NRG4: variants seen among roughly 807,000 people sequenced by gnomAD.
NRG4 encodes the protein neuregulin 4, also known as pro-neuregulin-4, membrane-bound isoform.
NRG4 carries 10 observed loss-of-function variants against 15.0 expected under a neutral mutation model. The ratio of observed to expected loss-of-function variants is 0.67; its 90% CI spans 0.41 to 1.13. The LOEUF is 1.13. Among genes scored for constraint, NRG4 ranks in the 50% most tolerant of loss-of-function variants. The pLI is 0.00. For missense variants in NRG4, 139 were observed against 140.2 expected (o/e 0.99, Z 0.04); for synonymous variants, 41 against 50.1 (o/e 0.82, Z 0.77).
At chr15:75,960,730 G>A (rs1415117757) in intron 4 of NRG4, among the ~76,000 whole-genome samples, 1 of 152,110 alleles carries the variant, frequency 6.6e-6, no homozygotes, top group Admixed American at 6.5e-5. Flanking sequence ...ACCTCTTGAT[G>A]GATGAGTGGC....
At chr15:75,940,669 A>G (rs1258410316), downstream of NRG4, 1 of 152,144 alleles carries the variant, frequency 6.6e-6, no homozygotes, top group East Asian at 1.9e-4. Context: ...AGACTGGAGA[A>G]CCTAGAAATA....
At chr15:76,016,924 G>T (rs970690830), upstream of NRG4, among the ~76,000 whole-genome samples, 11 of 152,062 alleles carry the variant, frequency 7.2e-5, no homozygotes, top group Non-Finnish European at 1.3e-4. Context: ...GAACAGTGGG[G>T]TGTTAAAGTT....
chr15:75,979,523 T>G (rs1055867990), intron 3 of NRG4, among the ~76,000 whole-genome samples: 139 of 152,312 alleles, frequency 9.1e-4, no homozygotes, highest in African/African-American at 3.2e-3. Context: ...TAGCTAAAAT[T>G]AAAATCTGTT....
At chr15:75,988,255 G>A (rs560228669) in intron 3 of NRG4, among the ~76,000 whole-genome samples, 9 of 151,998 alleles carry the variant, frequency 5.9e-5, no homozygotes, top group Non-Finnish European at 7.4e-5. Context: ...GCGCGATCTC[G>A]GCTCACTGCA....
Position 75,961,846 on chromosome 15 carries a change from G to A in NRG4, c.233C>T (p.Ala78Val). ...LAVLVTLIIG[A>V]FYFLCRKGHF... ...TACTTACCTGCAAAGGAAGTAGAAG[G>A]CTCCAATGATAAGTGTTACTAGGAC... The change falls in exon 4 of 6, where the codon GCC (alanine) becomes GTC (valine). Residue 78 changes from alanine (A) to valine (V), a missense_variant. Ala to Val is a moderately conservative substitution (Grantham distance 64). Coordinates refer to ENST00000394907, the MANE Select transcript of NRG4 (RefSeq NM_138573.4). 1 of 1,612,744 alleles carries A rather than the reference G, an allele frequency of 6.2e-7. No individual in the cohort carries two copies. The highest frequency in any genetic ancestry group is 8.5e-7 in the Non-Finnish European group (1 of 1,179,228).
chr15:76,034,221 T>C (rs779632965), intron 5 of NRG4, among the ~76,000 whole-genome samples: 1 of 152,226 alleles, frequency 6.6e-6, no homozygotes, highest in Non-Finnish European at 1.5e-5. Context: ...CATCCTCCTT[T>C]GTTAATATAA....
At chr15:76,008,320 TA>T (rs2034684111) in intron 3 of NRG4, among the ~76,000 whole-genome samples, 1 of 152,170 alleles carries the variant, frequency 6.6e-6, no homozygotes, top group Non-Finnish European at 1.5e-5. Flanking sequence ...ATTGTGAGGT[TA>T]TTTCTCTCTG....
chr15:75,991,514 C>T (rs1466726440), intron 3 of NRG4, among the ~76,000 whole-genome samples: 2 of 152,042 alleles, frequency 1.3e-5, no homozygotes. Flanking sequence ...TCCTGGTGAA[C>T]ATAACGTGTA....
Position 75,955,981 on chromosome 15 carries a change from G to T in NRG4, c.282C>A (p.Val94=). ...TCTCTACCAGGTTGATATCATACTG[G>T]ACTGAACTGGCTCTCTGAAAGTGGC... The part of the protein sequence containing the change: ...RKGHFQRASS[V]QYDINLVETS... Residue 94 remains valine, a synonymous_variant, in exon 5 of 6, where the codon GTC becomes GTA. Transcript: ENST00000394907. 6.2e-7 allele frequency: 1 copy of T among 1,611,564 alleles called. No individual in the cohort carries two copies. The highest frequency in any genetic ancestry group is 1.1e-5 in the South Asian group (1 of 91,004).
chr15:75,979,912 T>C (rs973939159), intron 3 of NRG4, among the ~76,000 whole-genome samples: 1 of 152,202 alleles, frequency 6.6e-6, no homozygotes, highest in Non-Finnish European at 1.5e-5. Context: ...AACTGAACCT[T>C]CTTTGTTAGC....
At chr15:75,945,243 A>G (rs986560671) in intron 5 of NRG4, among the ~76,000 whole-genome samples, 7 of 148,336 alleles carry the variant, frequency 4.7e-5, no homozygotes, top group African/African-American at 1.7e-4. Context: ...ATTCTCTGAT[A>G]TATATATTTT....
intron 3 of NRG4, among the ~76,000 whole-genome samples, chr15:75,997,359 T>A (rs2034253190): frequency 6.6e-6 from 1 of 152,106 alleles, no homozygotes; most frequent in African/African-American, 2.4e-5. Context: ...AATACCCCTA[T>A]TTTTTAGTGA....
chr15:76,037,001 C>CA (rs985888662), intron 4 of NRG4, among the ~76,000 whole-genome samples: 9 of 150,228 alleles, frequency 6.0e-5, no homozygotes, highest in East Asian at 5.8e-4. Context: ...AAGACTCCAC[C>CA]AAAAAAAAAC....
At chr15:75,952,262 G>A (rs1232000157) in intron 5 of NRG4, among the ~76,000 whole-genome samples, 1 of 152,014 alleles carries the variant, frequency 6.6e-6, no homozygotes, top group East Asian at 1.9e-4. Context: ...TCCAATCCTA[G>A]GCAAACATTA....
At chr15:75,949,449 C>T (rs116627230) in intron 5 of NRG4, among the ~76,000 whole-genome samples, 2,327 of 150,618 alleles carry the variant, frequency 0.015, 25 homozygotes, top group African/African-American at 0.031. Flanking sequence ...TTTTTATTAT[C>T]GAGTTGAAAA....
intron 3 of NRG4, among the ~76,000 whole-genome samples, chr15:75,968,623 A>G (rs2032942966): frequency 6.7e-6 from 1 of 149,300 alleles, no homozygotes; most frequent in Admixed American, 6.7e-5. Flanking sequence ...TGCTGGGTGC[A>G]GTGGCATGCA....
intron 3 of NRG4, among the ~76,000 whole-genome samples, chr15:76,007,910 A>G (rs946094144): frequency 6.6e-6 from 1 of 151,840 alleles, no homozygotes; most frequent in Non-Finnish European, 1.5e-5. Context: ...TTAATTTCTC[A>G]TTTTCCCCTT....
intron 5 of NRG4, among the ~76,000 whole-genome samples, chr15:76,030,319 T>C (rs1254321811): frequency 6.6e-6 from 1 of 152,012 alleles, no homozygotes; most frequent in African/African-American, 2.4e-5. Context: ...GCCATCATGC[T>C]ACAACTTCAA....
At chr15:76,011,375 T>C in intron 1 of NRG4, 89 bp from the exon 2 acceptor site, 1 of 665,358 alleles carries the variant, frequency 1.5e-6, no homozygotes, top group Non-Finnish European at 2.2e-6. Flanking sequence ...AGCAATATTC[T>C]TAAATGTTGA....
Sources: allele counts gnomAD v4.1 joint callset (sites outside exome capture counted in the v4.1 genomes callset), GRCh38; gene constraint gnomAD v4.1.1; transcripts MANE v1.5; gene names NCBI Gene and HGNC (gene_info 2026-07-23, HGNC 2026-07-21).